The following NDUFS4 variants were observed in gnomAD, a reference collection of about 807,000 sequenced individuals.
NDUFS4 encodes the protein NADH:ubiquinone oxidoreductase subunit S4.
NDUFS4 carries 28 observed loss-of-function variants against 24.3 expected under a neutral mutation model. The observed-to-expected ratio is 1.15, with a 90% CI of 0.85 to 1.58. The LOEUF (loss-of-function observed/expected upper bound fraction) is 1.58. Among genes scored for constraint, NDUFS4 ranks in the 40% most tolerant of loss-of-function variants. NDUFS4 has a pLI of 0.00. For synonymous variants in NDUFS4, 93 were observed against 69.7 expected, an observed-to-expected ratio of 1.34 and a Z score of -1.67; for missense variants, 223 against 207.9, an observed-to-expected ratio of 1.07 and a Z score of -0.45.
intron 1 of NDUFS4, among the ~76,000 whole-genome samples, chr5:53,598,910 T>G (rs1750219203): frequency 6.6e-6 from 1 of 152,266 alleles, no homozygotes; most frequent in South Asian, 2.1e-4. Context: ...TCAGAGTTTA[T>G]CCTTTGGGCT....
At chr5:53,574,924 A>C (rs1434424579) in intron 1 of NDUFS4, among the ~76,000 whole-genome samples, 1 of 152,152 alleles carries the variant, frequency 6.6e-6, no homozygotes, top group African/African-American at 2.4e-5. Context: ...GAGAGAAAAA[A>C]ACAGAAAAGC....
chr5:53,588,981 T>C (rs868012482), intron 1 of NDUFS4, among the ~76,000 whole-genome samples: 10 of 149,662 alleles, frequency 6.7e-5, no homozygotes, highest in African/African-American at 2.4e-4. Flanking sequence ...TGCATAGCCA[T>C]CTTAAAAAAA....
At chr5:53,608,089 A>G (rs1750583678) in intron 2 of NDUFS4, among the ~76,000 whole-genome samples, 1 of 152,206 alleles carries the variant, frequency 6.6e-6, no homozygotes, top group Non-Finnish European at 1.5e-5. Flanking sequence ...CAGTTAAGCA[A>G]ATGCCACAAT....
chr5:53,629,108 C>G (rs1378185840), intron 2 of NDUFS4, among the ~76,000 whole-genome samples: 3 of 152,154 alleles, frequency 2.0e-5, no homozygotes, highest in Non-Finnish European at 4.4e-5. Context: ...CAAAGAACAT[C>G]CTTATTTCTG....
chr5:53,575,692 C>T (rs927853557), intron 1 of NDUFS4, among the ~76,000 whole-genome samples: 1 of 151,854 alleles, frequency 6.6e-6, no homozygotes, highest in African/African-American at 2.4e-5. Flanking sequence ...CAGGTGTGCA[C>T]CACCATGTCT....
chr5:53,632,929 A>T (rs1369248265), intron 2 of NDUFS4, among the ~76,000 whole-genome samples: 1 of 152,208 alleles, frequency 6.6e-6, no homozygotes. Context: ...AAATGTGCTC[A>T]GTTATTGATG....
chr5:53,682,185 A>AATT (rs1740689270), intron 4 of NDUFS4, among the ~76,000 whole-genome samples: 1 of 152,252 alleles, frequency 6.6e-6, no homozygotes, highest in African/African-American at 2.4e-5. Context: ...AGAATGACTT[A>AATT]ATTATATTTT....
intron 2 of NDUFS4, among the ~76,000 whole-genome samples, chr5:53,615,385 T>C (rs935698796): frequency 6.6e-6 from 1 of 152,012 alleles, no homozygotes; most frequent in Non-Finnish European, 1.5e-5. Context: ...CAGAATAGAA[T>C]TAGAGCAAAA....
chr5:53,659,135 G>A (rs1026063941), intron 4 of NDUFS4, among the ~76,000 whole-genome samples: 8 of 152,024 alleles, frequency 5.3e-5, no homozygotes, highest in African/African-American at 1.9e-4. Flanking sequence ...GATATAGTGG[G>A]CCTAATACCA....
At chr5:53,562,216 C>T (rs1748872274) in intron 1 of NDUFS4, among the ~76,000 whole-genome samples, 1 of 151,918 alleles carries the variant, frequency 6.6e-6, no homozygotes, top group Admixed American at 6.6e-5. Context: ...GTTGGTCAGG[C>T]TGGGTTAAGT....
At chr5:53,627,772 A>C (rs1349791682) in intron 2 of NDUFS4, among the ~76,000 whole-genome samples, 2 of 152,122 alleles carry the variant, frequency 1.3e-5, no homozygotes, top group East Asian at 1.9e-4. Flanking sequence ...CAGCTTAAGG[A>C]GATTTTGGGC....
At chr5:53,655,421 G>GAAA (rs1027997455) in intron 3 of NDUFS4, among the ~76,000 whole-genome samples, 6 of 138,276 alleles carry the variant, frequency 4.3e-5, no homozygotes, top group African/African-American at 8.2e-5. Context: ...GCTCTTTTGT[G>GAAA]ACTGGCTTTT....
At chr5:53,573,564 G>A in intron 1 of NDUFS4, 1 of 451,256 alleles carries the variant, frequency 2.2e-6, no homozygotes, top group Non-Finnish European at 4.4e-6. Flanking sequence ...GTGGTAAAGA[G>A]CATTGCTTTT....
At chr5:53,646,523 C>T (rs758179453) in intron 3 of NDUFS4, 118 bp downstream of exon 3, 30 of 1,043,286 alleles carry the variant, frequency 2.9e-5, no homozygotes, top group Middle Eastern at 2.2e-4. Flanking sequence ...TACTTTTTGA[C>T]GCTGTTAAGT....
At chr5:53,590,026 GAGA>G (rs1370094418) in intron 1 of NDUFS4, among the ~76,000 whole-genome samples, 2 of 152,174 alleles carry the variant, frequency 1.3e-5, no homozygotes, top group Non-Finnish European at 2.9e-5. Context: ...GACTAATACA[GAGA>G]AGAACTGGAA....
At chr5:53,638,006 C>T (rs1340107300) in intron 2 of NDUFS4, among the ~76,000 whole-genome samples, 2 of 151,984 alleles carry the variant, frequency 1.3e-5, no homozygotes, top group East Asian at 1.9e-4. Flanking sequence ...GTCTGATGAG[C>T]GTTCATTATT....
chr5:53,664,649 A>G (rs1752456340), intron 4 of NDUFS4, among the ~76,000 whole-genome samples: 1 of 151,994 alleles, frequency 6.6e-6, no homozygotes, highest in African/African-American at 2.4e-5. Flanking sequence ...TGTATTTGTC[A>G]CGTAGTTCTT....
At chr5:53,660,851 G>GT (rs1426848232) in intron 4 of NDUFS4, among the ~76,000 whole-genome samples, 1 of 152,140 alleles carries the variant, frequency 6.6e-6, no homozygotes, top group Admixed American at 6.6e-5. Flanking sequence ...GAGGTTCTTT[G>GT]TTTTTTTCTT....
At position 53,654,421 on chromosome 5, in the gene NDUFS4, C is replaced by G. The variant is rs562565930; in HGVS notation, c.351-4130C>G. Among the ~76,000 whole-genome samples the G allele has an allele frequency of 5.3e-5, 8 of 152,194 alleles. No individual in the cohort carries two copies. In the South Asian group the frequency reaches 1.5e-3, roughly 28 times the overall value. On this transcript the variant is annotated intron_variant, in intron 3 of 4. Coordinates refer to ENST00000296684, the MANE Select transcript of NDUFS4 (RefSeq NM_002495.4). Reference sequence around the variant, plus strand: ...TGGAGGGAGTGTGCACACATAACTTCTATAGCAGAATATAATTTTTTTTTG... The same window carrying G: ...TGGAGGGAGTGTGCACACATAACTTGTATAGCAGAATATAATTTTTTTTTG...
Sources: allele counts gnomAD v4.1 joint callset (sites outside exome capture counted in the v4.1 genomes callset), GRCh38; gene constraint gnomAD v4.1.1; transcripts MANE v1.5; gene names NCBI Gene and HGNC (gene_info 2026-07-23, HGNC 2026-07-21).